The following SYN3 variants were observed in gnomAD, a reference collection of about 807,000 sequenced individuals.
The protein encoded by SYN3 is synapsin III, also known as synapsin-3.
In SYN3, 35 loss-of-function variants were observed where a neutral mutation model predicts 65.8. The observed-to-expected ratio is 0.53, with a 90% CI of 0.41 to 0.70. The LOEUF (loss-of-function observed/expected upper bound fraction) is 0.70. Among genes scored for constraint, SYN3 ranks in the 30% least tolerant of loss-of-function variants. The pLI is 0.00. For missense variants in SYN3, 680 were observed against 749.0 expected, an observed-to-expected ratio of 0.91 and a Z score of 1.08; for synonymous variants, 270 against 292.9, an observed-to-expected ratio of 0.92 and a Z score of 0.80.
rs1227881926 is a variant in SYN3 at position 32,869,043 on chromosome 22, T to C, written c.544A>G (p.Ile182Val). The change falls in exon 5 of 14, where the codon ATC becomes GTC. Residue 182 changes from isoleucine to valine, a missense_variant. Physicochemically the swap from Ile to Val is conservative, Grantham distance 29 (BLOSUM62 3). Coordinates refer to ENST00000358763, the MANE Select transcript of SYN3 (RefSeq NM_003490.4). Reference protein sequence around the residue: ...ALGEDYRSLVIGLQYGGLPAV... With the variant: ...ALGEDYRSLVVGLQYGGLPAV... Reference sequence around the variant, plus strand: ...GGCAGCCCTCCATACTGCAGGCCGATGACCAGGCTGCGGTAGTCTTCCCCC... The same window carrying C: ...GGCAGCCCTCCATACTGCAGGCCGACGACCAGGCTGCGGTAGTCTTCCCCC... 6.2e-7 allele frequency: 1 copy of C among 1,614,130 alleles called. No individual in the cohort carries two copies. The highest frequency in any genetic ancestry group is 1.1e-5 in the South Asian group (1 of 91,080).
At chr22:32,774,667 T>C (rs989694799) in intron 6 of SYN3, among the ~76,000 whole-genome samples, 4 of 152,050 alleles carry the variant, frequency 2.6e-5, no homozygotes, top group African/African-American at 9.7e-5. Context: ...CGATCTCAGC[T>C]CACCGCAAGC....
intron 7 of SYN3, among the ~76,000 whole-genome samples, chr22:32,551,064 G>C (rs975082201): frequency 6.6e-6 from 1 of 152,054 alleles, no homozygotes; most frequent in East Asian, 1.9e-4. Context: ...AAAATAAATG[G>C]GTAAATAACA....
intron 6 of SYN3, among the ~76,000 whole-genome samples, chr22:32,820,720 T>C (rs553224556): frequency 6.6e-5 from 10 of 152,212 alleles, no homozygotes; most frequent in African/African-American, 1.7e-4. Flanking sequence ...AAGGGGAGGT[T>C]TGGGGCTTGG....
At chr22:32,598,113 C>T (rs1329255198) in intron 6 of SYN3, among the ~76,000 whole-genome samples, 1 of 152,204 alleles carries the variant, frequency 6.6e-6, no homozygotes, top group Non-Finnish European at 1.5e-5. Context: ...GGGGGCCATC[C>T]TGACCCCTTC....
At chr22:32,543,993 C>G (rs2058299092) in intron 7 of SYN3, among the ~76,000 whole-genome samples, 1 of 152,210 alleles carries the variant, frequency 6.6e-6, no homozygotes, top group South Asian at 2.1e-4. Flanking sequence ...AAGCTGAGTG[C>G]TGTGGCATGA....
chr22:32,676,387 T>C lies in SYN3; in HGVS notation c.712-79651A>G, dbSNP rs1206640311. Among the ~76,000 whole-genome samples the C allele has an allele frequency of 6.6e-5, 10 of 152,286 alleles. No individual in the cohort carries two copies. The South Asian group carries it at 1.9e-3, about 28-fold the overall frequency. ...TGGGCATTTGTCAGAACTGCCAGCTTGTCCTAGGGAGTTTCCCTATCTGCA... is the reference window on the plus strand; with the variant it reads ...TGGGCATTTGTCAGAACTGCCAGCTCGTCCTAGGGAGTTTCCCTATCTGCA... On this transcript the variant is annotated intron_variant, in intron 6 of 13. Transcript: ENST00000358763.
At chr22:32,664,981 A>C (rs1413957323) in intron 6 of SYN3, among the ~76,000 whole-genome samples, 112 of 141,292 alleles carry the variant, frequency 7.9e-4, no homozygotes, top group African/African-American at 2.8e-3. Flanking sequence ...CCATTGTATA[A>C]TGTATAATTC....
chr22:32,822,083 A>C lies in SYN3; in HGVS notation c.711+42832T>G, dbSNP rs1382396827. On this transcript the variant is annotated intron_variant, in intron 6 of 13. Transcript: ENST00000358763. The stretch of plus-strand genomic sequence containing the variant: ...GGCAGGAGAATTGCTTGAACCTGGG[A>C]GGCAGAGGTTGCAATGAGCCGAGAT... Among the ~76,000 whole-genome samples the C allele has an allele frequency of 4.1e-5, 6 of 147,386 alleles. No homozygotes were observed. In the East Asian group the frequency reaches 1.2e-3, roughly 30 times the overall value.
chr22:32,930,712 T>C (rs1392004764), intron 4 of SYN3, among the ~76,000 whole-genome samples: 1 of 152,136 alleles, frequency 6.6e-6, no homozygotes. Flanking sequence ...CTCTAAACCC[T>C]CATGAGACCT....
intron 6 of SYN3, among the ~76,000 whole-genome samples, chr22:32,658,376 A>G (rs2060171570): frequency 6.6e-6 from 1 of 152,204 alleles, no homozygotes; most frequent in South Asian, 2.1e-4. Flanking sequence ...AGTGTGGCCC[A>G]GCAGGCTGCA....
chr22:32,648,649 T>C (rs1316836592), intron 6 of SYN3, among the ~76,000 whole-genome samples: 1 of 152,212 alleles, frequency 6.6e-6, no homozygotes, highest in Non-Finnish European at 1.5e-5. Context: ...TACATGACCA[T>C]GGGCAGGTTG....
intron 6 of SYN3, among the ~76,000 whole-genome samples, chr22:32,668,530 C>T (rs886982035): frequency 6.6e-6 from 1 of 151,948 alleles, no homozygotes. Context: ...TCTCCTTCTC[C>T]TTCTCCTTCC....
At chr22:32,866,579 A>G (rs997106056) in intron 5 of SYN3, among the ~76,000 whole-genome samples, 1 of 152,180 alleles carries the variant, frequency 6.6e-6, no homozygotes, top group African/African-American at 2.4e-5. Flanking sequence ...TAAGGGTGCT[A>G]AGAATTAAAC....
intron 1 of SYN3, among the ~76,000 whole-genome samples, chr22:33,034,251 T>G (rs756153882): frequency 7.3e-5 from 11 of 151,562 alleles, no homozygotes; most frequent in African/African-American, 2.2e-4. Context: ...CTACTTGCTT[T>G]CTTTCTTTCT....
chr22:32,770,280 C>T (rs972081438), intron 6 of SYN3, among the ~76,000 whole-genome samples: 27 of 152,188 alleles, frequency 1.8e-4, no homozygotes, highest in Non-Finnish European at 3.5e-4. Flanking sequence ...TGCCCCACAA[C>T]CAATCTCTTC....
intron 1 of SYN3, among the ~76,000 whole-genome samples, chr22:33,049,206 G>T (rs577169489): frequency 6.6e-6 from 1 of 152,232 alleles, no homozygotes; most frequent in African/African-American, 2.4e-5. Flanking sequence ...ATTTACTCCC[G>T]CTTGATAGAT....
intron 1 of SYN3, among the ~76,000 whole-genome samples, chr22:33,046,774 CG>C (rs2145957285): frequency 7.2e-6 from 1 of 137,932 alleles, no homozygotes; most frequent in East Asian, 2.3e-4. Flanking sequence ...AGCTGGGAGG[CG>C]GAAGTTGCAG....
intron 2 of SYN3, among the ~76,000 whole-genome samples, chr22:32,987,817 G>A (rs1047625402): frequency 6.6e-6 from 1 of 152,162 alleles, no homozygotes; most frequent in Non-Finnish European, 1.5e-5. Flanking sequence ...CCAGGCATAG[G>A]AGTAGATACA....
At chr22:32,598,757 A>G (rs1220270154) in intron 6 of SYN3, among the ~76,000 whole-genome samples, 1 of 151,792 alleles carries the variant, frequency 6.6e-6, no homozygotes, top group Non-Finnish European at 1.5e-5. Context: ...AAGTGCTAGG[A>G]TTCCAGCCCC....
Sources: gnomAD v4.1 joint callset for allele counts (sites outside exome capture counted in the v4.1 genomes callset) on GRCh38, gnomAD v4.1.1 for gene constraint, MANE v1.5 for transcripts, NCBI Gene and HGNC (gene_info 2026-07-23, HGNC 2026-07-21) for gene names.